Variants in DCC observed in about 807,000 individuals in gnomAD.
The protein encoded by DCC is netrin receptor DCC.
Under a neutral mutation model 172.5 loss-of-function variants are expected in DCC, and 58 were observed. The observed-to-expected ratio is 0.34, with a 90% CI of 0.27 to 0.42. The LOEUF is 0.42. DCC is among the 10% of genes least tolerant of loss of function. The pLI is 1.00. For missense variants in DCC, 1,740 were observed against 1,791.0 expected (o/e 0.97, Z 0.51); for synonymous variants, 709 against 644.5 (o/e 1.10, Z -1.52).
At chr18:52,624,915 A>G (rs1183879742) in intron 1 of DCC, among the ~76,000 whole-genome samples, 1 of 152,146 alleles carries the variant, frequency 6.6e-6, no homozygotes, top group Admixed American at 6.5e-5. Flanking sequence ...ATGAATGGGG[A>G]TACATTATGA....
At chr18:53,390,635 A>T (rs528906783) in intron 16 of DCC, among the ~76,000 whole-genome samples, 1 of 152,206 alleles carries the variant, frequency 6.6e-6, no homozygotes, top group Non-Finnish European at 1.5e-5. Context: ...TCAAATGCTC[A>T]AAGTTAGGCT....
intron 1 of DCC, among the ~76,000 whole-genome samples, chr18:52,584,207 A>AC (rs1388233777): frequency 6.6e-6 from 1 of 152,222 alleles, no homozygotes; most frequent in African/African-American, 2.4e-5. Context: ...TGAGTGGGAT[A>AC]CCAGGAAAGG....
At chr18:53,083,386 A>G (rs1193394693) in intron 7 of DCC, among the ~76,000 whole-genome samples, 1 of 152,162 alleles carries the variant, frequency 6.6e-6, no homozygotes, top group African/African-American at 2.4e-5. Flanking sequence ...ACATGAAAGA[A>G]CACTGGCAAT....
In DCC at chr18:53,162,728, A is replaced by G. The variant is rs192358937; in HGVS notation, c.1418+5216A>G. 3.7e-3 allele frequency among the ~76,000 whole-genome samples: 569 copies of G among 152,290 alleles called. 2 individuals carry two copies. Among genetic ancestry groups the G allele is most frequent in the African/African-American group, 0.013 (550 of 41,554 alleles). The stretch of plus-strand genomic sequence containing the variant: ...ATCTTTGCTGTAATGTCACGTTCTC[A>G]TGGAAGCCTTTCTTGATCCCTGGCA... On this transcript the variant is annotated intron_variant, in intron 8 of 28. Transcript: ENST00000442544.
At chr18:52,632,691 G>T (rs1401264241) in intron 1 of DCC, among the ~76,000 whole-genome samples, 1 of 152,152 alleles carries the variant, frequency 6.6e-6, no homozygotes, top group African/African-American at 2.4e-5. Context: ...TTCTGATCAT[G>T]AGCATTCCTG....
At chr18:52,833,476 T>A (rs2038652403) in intron 2 of DCC, among the ~76,000 whole-genome samples, 2 of 152,048 alleles carry the variant, frequency 1.3e-5, no homozygotes. Flanking sequence ...CATTGAGTAT[T>A]TTTTTTCTTT....
Position 52,696,965 on chromosome 18 carries a change from G to T in DCC, c.92-55089G>T, listed in dbSNP as rs374762915. Among the ~76,000 whole-genome samples, 81 of 152,284 alleles carry T rather than the reference G, an allele frequency of 5.3e-4. 1 individual carries two copies. The highest frequency in any genetic ancestry group is 1.9e-3 in the African/African-American group (79 of 41,572). On this transcript the variant is annotated intron_variant, in intron 1 of 28. Coordinates refer to ENST00000442544, the MANE Select transcript of DCC (RefSeq NM_005215.4). ...GGACCAAGTATCTGCTGCACAGTCA[G>T]ATTTGGGAGGTACCCCACAGGGATA...
chr18:52,741,560 G>C (rs189246963), intron 1 of DCC, among the ~76,000 whole-genome samples: 8 of 152,252 alleles, frequency 5.3e-5, no homozygotes, highest in Non-Finnish European at 1.0e-4. Context: ...AAATTTCCTA[G>C]GGGATGAAAT....
chr18:52,571,531 C>G (rs921169889), intron 1 of DCC, among the ~76,000 whole-genome samples: 1 of 152,172 alleles, frequency 6.6e-6, no homozygotes, highest in African/African-American at 2.4e-5. Flanking sequence ...TAACTTCACA[C>G]TAGAATTCCA....
intron 14 of DCC, among the ~76,000 whole-genome samples, chr18:53,322,396 A>C (rs113414458): frequency 1.3e-5 from 2 of 152,252 alleles, no homozygotes; most frequent in African/African-American, 4.8e-5. Context: ...TCCTCAAAAC[A>C]AGTTACTTGT....
intron 1 of DCC, among the ~76,000 whole-genome samples, chr18:52,661,254 A>C (rs960036454): frequency 3.3e-5 from 5 of 152,184 alleles, no homozygotes; most frequent in Non-Finnish European, 7.3e-5. Context: ...AATAAGACAG[A>C]AAACAGGTGA....
At chr18:52,383,952 T>C (rs1242134714) in intron 1 of DCC, among the ~76,000 whole-genome samples, 1 of 152,118 alleles carries the variant, frequency 6.6e-6, no homozygotes, top group Non-Finnish European at 1.5e-5. Flanking sequence ...TAGCACTTCC[T>C]TTAAGAATTG....
intron 7 of DCC, among the ~76,000 whole-genome samples, chr18:53,074,950 G>A (rs992172216): frequency 2.0e-5 from 3 of 152,144 alleles, no homozygotes; most frequent in African/African-American, 7.2e-5. Context: ...TGCAATAAAT[G>A]TTTGTAAAAG....
At chr18:52,592,267 C>A (rs1173526084) in intron 1 of DCC, among the ~76,000 whole-genome samples, 1 of 152,120 alleles carries the variant, frequency 6.6e-6, no homozygotes, top group Non-Finnish European at 1.5e-5. Context: ...TAGGGCACTG[C>A]AGAAGAAACT....
chr18:53,051,304 C>T (rs1195006521), intron 5 of DCC, among the ~76,000 whole-genome samples: 1 of 152,112 alleles, frequency 6.6e-6, no homozygotes, highest in African/African-American at 2.4e-5. Context: ...AAAAGAACAT[C>T]TCTCATAGCA....
intron 21 of DCC, among the ~76,000 whole-genome samples, chr18:53,418,759 T>C (rs749830178): frequency 5.9e-5 from 9 of 152,168 alleles, no homozygotes; most frequent in Non-Finnish European, 1.2e-4. Context: ...AGAACATAAA[T>C]GTGAAAACAA....
intron 1 of DCC, among the ~76,000 whole-genome samples, chr18:52,688,872 T>C (rs915286099): frequency 1.1e-4 from 16 of 152,130 alleles, no homozygotes; most frequent in African/African-American, 3.4e-4. Context: ...AACATTCCCA[T>C]TGCTAAGCTT....
At chr18:52,938,990 T>A (rs918269808) in intron 5 of DCC, among the ~76,000 whole-genome samples, 1 of 152,246 alleles carries the variant, frequency 6.6e-6, no homozygotes, top group South Asian at 2.1e-4. Flanking sequence ...GTGAAGAGGT[T>A]AATCATGGGA....
rs547990458 is a variant in DCC at position 53,135,356 on chromosome 18, A to C, written c.1262-22000A>C. 7.9e-5 allele frequency among the ~76,000 whole-genome samples: 12 copies of C among 152,270 alleles called. No individual in the cohort carries two copies. In the South Asian group the frequency reaches 2.5e-3, roughly 32 times the overall value. On this transcript the variant is annotated intron_variant, in intron 7 of 28. Transcript: ENST00000442544. ...GAAATCAGGATTCATCACACAAATA[A>C]ATTTTCCATTAATGTTTGTGGATTA...
Sources: allele counts gnomAD v4.1 joint callset (sites outside exome capture counted in the v4.1 genomes callset), GRCh38; gene constraint gnomAD v4.1.1; transcripts MANE v1.5; gene names NCBI Gene and HGNC (gene_info 2026-07-23, HGNC 2026-07-21).